FER1L6: variants seen among roughly 807,000 people sequenced by gnomAD.
The protein encoded by FER1L6 is fer-1-like protein 6.
Under a neutral mutation model 219.2 loss-of-function variants are expected in FER1L6, and 177 were observed. That is an observed-to-expected ratio of 0.81 (90% CI 0.71 to 0.91). The LOEUF (loss-of-function observed/expected upper bound fraction) is 0.91, where lower values mean the gene tolerates loss of function less well. FER1L6 is among the 40% of genes least tolerant of loss of function. The probability of loss-of-function intolerance (pLI) is 0.00; values close to 1 mark genes in which losing one functional copy is unlikely to be tolerated. For missense variants in FER1L6, 2,153 were observed against 2,259.9 expected (o/e 0.95, Z 0.96); for synonymous variants, 768 against 824.3 (o/e 0.93, Z 1.17).
At chr8:124,007,879 A>AT (rs112809207) in intron 13 of FER1L6, among the ~76,000 whole-genome samples, 2 of 152,234 alleles carry the variant, frequency 1.3e-5, no homozygotes, top group Middle Eastern at 6.8e-3. Context: ...TAGTATGATT[A>AT]TTTTTTTACA....
At chr8:124,039,848 C>T in intron 19 of FER1L6, 34 bp from the exon 20 acceptor site, 1 of 1,613,744 alleles carries the variant, frequency 6.2e-7, no homozygotes, top group Non-Finnish European at 8.5e-7. Flanking sequence ...GAAAAGCCCA[C>T]TAACACCTGC....
At position 124,021,582 on chromosome 8, in the gene FER1L6, T is replaced by A. The variant is rs1818453821; in HGVS notation, c.2046T>A (p.Ile682=). Residue 682 remains isoleucine (I), a synonymous_variant, in exon 17 of 41, where the codon ATT becomes ATA. Transcript: ENST00000522917. ...TGTGCAAGGAGGCCAAGGGGATCAT[T>A]CAGCAGCAGAAGAAAAAGTTATCTG... ...EAMCKEAKGI[I]QQQKKKLSVD... is the part of the protein sequence containing the mutation. 1 of 1,614,166 alleles carries A rather than the reference T, an allele frequency of 6.2e-7. No homozygotes were observed. The highest frequency in any genetic ancestry group is 1.3e-5 in the African/African-American group (1 of 75,042).
chr8:123,918,796 T>A (rs953571561), intron 1 of FER1L6, among the ~76,000 whole-genome samples: 34 of 152,276 alleles, frequency 2.2e-4, no homozygotes. Flanking sequence ...CTGGACGGCA[T>A]CAGATAGGGG....
intron 9 of FER1L6, 79 bp from the exon 10 acceptor site, chr8:123,977,338 T>C (rs137905398): frequency 7.2e-7 from 1 of 1,394,030 alleles, no homozygotes; most frequent in East Asian, 2.3e-5. Flanking sequence ...ACTCACTTTA[T>C]ACTTCCAGCT....
chr8:124,002,076 C>G (rs1443905325), intron 12 of FER1L6, among the ~76,000 whole-genome samples: 1 of 152,142 alleles, frequency 6.6e-6, no homozygotes, highest in Non-Finnish European at 1.5e-5. Context: ...ACAGACTTGG[C>G]CCCACTTTGA....
chr8:123,868,545 A>G (rs566320788), intron 1 of FER1L6, among the ~76,000 whole-genome samples: 3 of 152,258 alleles, frequency 2.0e-5, no homozygotes, highest in South Asian at 2.1e-4. Context: ...GTTGTTTTCC[A>G]TGAAATTGAT....
chr8:123,869,539 G>T (rs1392746728), intron 1 of FER1L6, among the ~76,000 whole-genome samples: 1 of 152,180 alleles, frequency 6.6e-6, no homozygotes, highest in African/African-American at 2.4e-5. Context: ...CTAAAGATAT[G>T]AAAGAATCTA....
At chr8:123,960,287 G>GT (rs1337148710) in intron 2 of FER1L6, among the ~76,000 whole-genome samples, 1 of 152,086 alleles carries the variant, frequency 6.6e-6, no homozygotes, top group African/African-American at 2.4e-5. Flanking sequence ...AGCCACTCTC[G>GT]TTTTTGCCGA....
Position 123,935,152 on chromosome 8 carries a change from T to G in FER1L6, c.-7-20840T>G, listed in dbSNP as rs978342538. 9.8e-5 allele frequency among the ~76,000 whole-genome samples: 15 copies of G among 152,334 alleles called. No homozygotes were observed. The East Asian group carries it at 2.7e-3, about 27-fold the overall frequency. ...TTAAGTTTTTTTCTTTTATTTCCTC[T>G]ATGTAAAAAAATATATTTCTCCTCT... is the stretch of plus-strand genomic sequence containing the variant. On this transcript the variant is annotated intron_variant, in intron 1 of 40. Coordinates refer to ENST00000522917, the MANE Select transcript of FER1L6 (RefSeq NM_001039112.2).
intron 14 of FER1L6, among the ~76,000 whole-genome samples, chr8:124,011,640 T>C (rs958824845): frequency 3.3e-5 from 5 of 149,800 alleles, no homozygotes; most frequent in African/African-American, 5.0e-5. Flanking sequence ...CATGCCACCA[T>C]GCCTGACTTT....
intron 16 of FER1L6, 114 bp downstream of exon 16, chr8:124,017,832 T>C: frequency 1.4e-6 from 1 of 729,938 alleles, no homozygotes; most frequent in Non-Finnish European, 2.3e-6. Flanking sequence ...ATTTTTGGGA[T>C]GCAGAGACAA....
intron 15 of FER1L6, among the ~76,000 whole-genome samples, chr8:124,015,607 A>ATATGTATATG (rs1554632086): frequency 3.4e-5 from 3 of 88,606 alleles, no homozygotes; most frequent in Non-Finnish European, 4.5e-5. Context: ...ATATATATAT[A>ATATGTATATG]TATATATATT....
intron 33 of FER1L6, among the ~76,000 whole-genome samples, chr8:124,082,852 A>C (rs533223248): frequency 6.6e-6 from 1 of 152,344 alleles, no homozygotes; most frequent in Non-Finnish European, 1.5e-5. Context: ...AAAGCACTTT[A>C]CATGGAGTAT....
At chr8:123,918,651 A>G (rs1180679409) in intron 1 of FER1L6, among the ~76,000 whole-genome samples, 1 of 149,084 alleles carries the variant, frequency 6.7e-6, no homozygotes, top group Non-Finnish European at 1.5e-5. Flanking sequence ...AGAACACGGC[A>G]GAAAGTGTTT....
chr8:123,924,083 G>A (rs1054946029), intron 1 of FER1L6, among the ~76,000 whole-genome samples: 5 of 150,984 alleles, frequency 3.3e-5, no homozygotes, highest in South Asian at 2.1e-4. Context: ...GGCGAACCCC[G>A]TCTCTACTAA....
chr8:123,895,595 G>A (rs986726578), intron 1 of FER1L6, among the ~76,000 whole-genome samples: 2 of 152,076 alleles, frequency 1.3e-5, no homozygotes, highest in South Asian at 2.1e-4. Flanking sequence ...ATCTTACCAC[G>A]GCATTATACT....
intron 35 of FER1L6, 96 bp downstream of exon 35, chr8:124,095,134 C>T (rs765538744): frequency 5.3e-5 from 78 of 1,482,398 alleles, no homozygotes; most frequent in Non-Finnish European, 1.9e-5. Context: ...CCCTCAGGTA[C>T]ATTTAGCAAT....
Position 124,061,912 on chromosome 8 carries a change from G to A in FER1L6, c.3208G>A (p.Ala1070Thr). 1 of 1,614,182 alleles carries A rather than the reference G, an allele frequency of 6.2e-7. No individual in the cohort carries two copies. Among genetic ancestry groups the A allele is most frequent in the Non-Finnish European group, 8.5e-7 (1 of 1,180,026 alleles). Reference protein sequence around the residue: ...PLSICVVDWRAFGRSTLVGTY... With the variant: ...PLSICVVDWRTFGRSTLVGTY... ...GAGCATCTGCGTGGTGGACTGGAGA[G>A]CTTTTGGGAGGAGTACCCTTGTGGG... Residue 1070 changes from alanine to threonine, a missense_variant, in exon 25 of 41, where the codon GCT (alanine) becomes ACT (threonine). Transcript: ENST00000522917.
chr8:124,064,448 A>C lies in FER1L6; in HGVS notation c.3430A>C (p.Thr1144Pro). ...TTATGTGGATGTTGAGCCACCTCCCACAGTGGTGCCCGACTCTGCCCAGGC... is the reference window on the plus strand; with the variant it reads ...TTATGTGGATGTTGAGCCACCTCCCCCAGTGGTGCCCGACTCTGCCCAGGC... ...HIYVDVEPPPTVVPDSAQAQP... is the reference protein window; with the variant it reads ...HIYVDVEPPPPVVPDSAQAQP... The change falls in exon 26 of 41, where the codon ACA (threonine) becomes CCA (proline). Residue 1144 changes from threonine (T) to proline (P), a missense_variant. Thr to Pro is a conservative substitution (Grantham distance 38). Transcript: ENST00000522917. The C allele has an allele frequency of 1.2e-6, 2 of 1,613,898 alleles. No individual in the cohort carries two copies. The highest frequency in any genetic ancestry group is 1.7e-6 in the Non-Finnish European group (2 of 1,179,948).
Sources: allele counts gnomAD v4.1 joint callset (sites outside exome capture counted in the v4.1 genomes callset), GRCh38; gene constraint gnomAD v4.1.1; transcripts MANE v1.5; gene names NCBI Gene and HGNC (gene_info 2026-07-23, HGNC 2026-07-21).